Variants in DOCK9 observed in about 807,000 individuals in gnomAD.
DOCK9 encodes the protein dedicator of cytokinesis protein 9.
In DOCK9, 89 loss-of-function variants were observed where a neutral mutation model predicts 263.3. The ratio of observed to expected loss-of-function variants is 0.34; its 90% CI spans 0.28 to 0.40. DOCK9 has a LOEUF of 0.40. Ranked by LOEUF, DOCK9 falls within the 10% of genes least tolerant of loss-of-function variation. The pLI, the probability that DOCK9 is intolerant of heterozygous loss-of-function variation, is 1.00. For missense variants in DOCK9, 2,140 were observed against 2,603.4 expected, an observed-to-expected ratio of 0.82 and a Z score of 3.87; for synonymous variants, 976 against 973.1, an observed-to-expected ratio of 1.00 and a Z score of -0.06.
chr13:98,943,422 G>A lies in DOCK9; in HGVS notation c.243+12013C>T, dbSNP rs187027283. On this transcript the variant is annotated intron_variant, in intron 2 of 52. Coordinates refer to ENST00000682017, the MANE Select transcript of DOCK9 (RefSeq NM_001366683.2). Reference sequence around the variant, plus strand: ...TACAGACATAGCTGGACTTGTTTTTGTTTTAGGAACCATAGAGATTTTGTG... The same window carrying A: ...TACAGACATAGCTGGACTTGTTTTTATTTTAGGAACCATAGAGATTTTGTG... Among the ~76,000 whole-genome samples the A allele has an allele frequency of 2.6e-5, 4 of 152,316 alleles. No individual in the cohort carries two copies. In the East Asian group the frequency reaches 7.7e-4, roughly 29 times the overall value.
At chr13:98,839,178 T>C (rs2093119576) in intron 38 of DOCK9, among the ~76,000 whole-genome samples, 1 of 152,220 alleles carries the variant, frequency 6.6e-6, no homozygotes, top group Admixed American at 6.5e-5. Context: ...ACTTCCACTC[T>C]GCAGCACAGC....
intron 47 of DOCK9, 101 bp downstream of exon 47, chr13:98,809,251 G>T: frequency 8.0e-7 from 1 of 1,243,938 alleles, no homozygotes; most frequent in South Asian, 1.4e-5. Flanking sequence ...AGAAAACAGA[G>T]AATTTATAAG....
chr13:98,887,466 A>C (rs2045942332), intron 18 of DOCK9, among the ~76,000 whole-genome samples: 1 of 151,398 alleles, frequency 6.6e-6, no homozygotes, highest in Non-Finnish European at 1.5e-5. Context: ...AATACAAAAA[A>C]TTAGCGGGGT....
Position 98,937,966 on chromosome 13 carries a change from G to C in DOCK9, c.244-7709C>G, listed in dbSNP as rs535100268. The stretch of plus-strand genomic sequence containing the variant: ...GGGCAGCAGGGCAGGCCCACCTAAA[G>C]GGAGCAAGTGGAGGTACCTGTTTCC... On this transcript the variant is annotated intron_variant, in intron 2 of 52. Transcript: ENST00000682017. Among the ~76,000 whole-genome samples, 45 of 152,352 alleles carry C rather than the reference G, an allele frequency of 3.0e-4. 1 individual carries two copies. The highest frequency in any genetic ancestry group is 1.0e-3 in the African/African-American group (43 of 41,586).
intron 45 of DOCK9, among the ~76,000 whole-genome samples, chr13:98,817,137 G>A (rs2091920493): frequency 6.6e-6 from 1 of 152,202 alleles, no homozygotes; most frequent in Non-Finnish European, 1.5e-5. Flanking sequence ...TATATTTTAA[G>A]TAGCTCTAGA....
intron 1 of DOCK9, among the ~76,000 whole-genome samples, chr13:99,016,462 G>T (rs901184645): frequency 1.3e-5 from 2 of 152,148 alleles, no homozygotes; most frequent in African/African-American, 4.8e-5. Context: ...ATGAATAAAG[G>T]GCTACCCAGT....
chr13:98,799,680 A>G (rs979971903), intron 50 of DOCK9, among the ~76,000 whole-genome samples: 5 of 152,204 alleles, frequency 3.3e-5, no homozygotes, highest in African/African-American at 1.2e-4. Flanking sequence ...CCCTTACACT[A>G]TAACATATAC....
At chr13:98,881,702 A>G in intron 24 of DOCK9, 75 bp from the exon 25 acceptor site, 2 of 1,445,904 alleles carry the variant, frequency 1.4e-6, no homozygotes, top group Non-Finnish European at 1.9e-6. Context: ...CAGCAGTAGT[A>G]GAACAATGAT....
At chr13:98,926,698 T>C (rs1437856966) in intron 3 of DOCK9, among the ~76,000 whole-genome samples, 1 of 152,202 alleles carries the variant, frequency 6.6e-6, no homozygotes, top group African/African-American at 2.4e-5. Flanking sequence ...AATCAAAAGC[T>C]AAAGAATTTT....
At chr13:98,954,602 G>C (rs78018760) in intron 2 of DOCK9, among the ~76,000 whole-genome samples, 1,641 of 152,280 alleles carry the variant, frequency 0.011, 31 homozygotes, top group African/African-American at 0.037. Context: ...ACACTACAGA[G>C]GTAAACTTCA....
chr13:98,915,292 A>G, intron 8 of DOCK9, 37 bp downstream of exon 8: 3 of 1,596,280 alleles, frequency 1.9e-6, no homozygotes, highest in Non-Finnish European at 2.6e-6. Context: ...ACACCCACAG[A>G]GTGTGTATGT....
At chr13:98,871,135 T>C (rs55800122) in intron 27 of DOCK9, among the ~76,000 whole-genome samples, 5,174 of 152,252 alleles carry the variant, frequency 0.034, 143 homozygotes, top group Middle Eastern at 0.092. Flanking sequence ...TAGTTATATC[T>C]TTTTTAAAGG....
At chr13:99,015,869 A>T in intron 1 of DOCK9, 1 of 915,472 alleles carries the variant, frequency 1.1e-6, no homozygotes, top group Non-Finnish European at 1.4e-6. Context: ...CAAACCTTTA[A>T]AGTATCGTTT....
At chr13:98,946,420 C>T (rs1406400987) in intron 2 of DOCK9, among the ~76,000 whole-genome samples, 1 of 152,094 alleles carries the variant, frequency 6.6e-6, no homozygotes. Flanking sequence ...CAAACCCTTA[C>T]TCACCCAAGC....
At chr13:98,907,042 G>A (rs2049219457) in intron 9 of DOCK9, among the ~76,000 whole-genome samples, 1 of 152,166 alleles carries the variant, frequency 6.6e-6, no homozygotes, top group Admixed American at 6.5e-5. Flanking sequence ...TGTGGTGGAG[G>A]CAGGCGCTCT....
At chr13:99,005,971 T>C (rs1304321819) in intron 1 of DOCK9, among the ~76,000 whole-genome samples, 1 of 151,924 alleles carries the variant, frequency 6.6e-6, no homozygotes, top group Non-Finnish European at 1.5e-5. Context: ...CAAAAGAAAA[T>C]ACTGGTGAAT....
rs2044770573 is a variant in DOCK9, at chr13:98,881,624, G to T, written c.2679C>A (p.Val893=). 1.9e-6 allele frequency: 3 copies of T among 1,607,670 alleles called. No individual in the cohort carries two copies. The highest frequency in any genetic ancestry group is 1.1e-5 in the South Asian group (1 of 88,958). Residue 893 remains valine (V), a synonymous_variant, in exon 25 of 53, where the codon GTC becomes GTA. Coordinates refer to ENST00000682017, the MANE Select transcript of DOCK9 (RefSeq NM_001366683.2). ...GGCACTGGGCAACCACATGAATAAT[G>T]ACCCTACACACCACAGGAGTGAATA... ...QEEVAVNVTR[V]IIHVVAQCHE... is the part of the protein sequence containing the mutation.
At chr13:98,806,403 C>A (rs1275661248) in intron 48 of DOCK9, among the ~76,000 whole-genome samples, 1 of 152,158 alleles carries the variant, frequency 6.6e-6, no homozygotes, top group Non-Finnish European at 1.5e-5. Flanking sequence ...ATCAACAAAT[C>A]AATTTTGCAC....
intron 1 of DOCK9, among the ~76,000 whole-genome samples, chr13:99,004,548 CAAG>C (rs943820695): frequency 2.0e-5 from 3 of 152,192 alleles, no homozygotes; most frequent in African/African-American, 7.2e-5. Flanking sequence ...AGAACCTACT[CAAG>C]AAGCAGAGAA....
Sources: gnomAD v4.1 joint callset for allele counts (sites outside exome capture counted in the v4.1 genomes callset) on GRCh38, gnomAD v4.1.1 for gene constraint, MANE v1.5 for transcripts, NCBI Gene and HGNC (gene_info 2026-07-23, HGNC 2026-07-21) for gene names.